EPSTI1: variants seen among roughly 807,000 people sequenced by gnomAD.
EPSTI1 encodes epithelial stromal interaction 1, also known as epithelial-stromal interaction protein 1.
A neutral mutation model predicts 49.9 loss-of-function variants in EPSTI1; 66 were observed. That is an observed-to-expected ratio of 1.32 (90% CI 1.08 to 1.62). The LOEUF (loss-of-function observed/expected upper bound fraction) is 1.62, where lower values mean the gene tolerates loss of function less well. Among genes scored for constraint, EPSTI1 ranks in the 40% most tolerant of loss-of-function variants. The pLI is 0.00. For missense variants in EPSTI1, 394 were observed against 365.5 expected, an observed-to-expected ratio of 1.08 and a Z score of -0.64; for synonymous variants, 137 against 130.7, an observed-to-expected ratio of 1.05 and a Z score of -0.33.
At chr13:42,926,847 A>G (rs1019075231) in intron 6 of EPSTI1, among the ~76,000 whole-genome samples, 4 of 152,134 alleles carry the variant, frequency 2.6e-5, no homozygotes, top group Non-Finnish European at 4.4e-5. Flanking sequence ...CCAGTTTTAC[A>G]TTAAGCCCTT....
chr13:42,908,085 AAAC>A (rs1463513269), intron 8 of EPSTI1, among the ~76,000 whole-genome samples: 1 of 152,254 alleles, frequency 6.6e-6, no homozygotes, highest in African/African-American at 2.4e-5. Flanking sequence ...CACATACAAA[AAAC>A]AACTCAATTT....
Position 42,992,139 on chromosome 13 carries a change from G to A in EPSTI1, c.27C>T (p.Asn9=), listed in dbSNP as rs759290126. 4 of 1,603,620 alleles carry A rather than the reference G, an allele frequency of 2.5e-6. No individual in the cohort carries two copies. Among genetic ancestry groups the A allele is most frequent in the Non-Finnish European group, 3.4e-6 (4 of 1,176,152 alleles). ...AGGCAGGGGAGGCGCCGAGCCCGGAGTTCACCACTCTATTGCGGGTGTTCA... is the reference window on the plus strand; with the variant it reads ...AGGCAGGGGAGGCGCCGAGCCCGGAATTCACCACTCTATTGCGGGTGTTCA... The part of the protein sequence containing the change: MNTRNRVV[N]SGLGASPASR... The change falls in exon 1 of 11, where the codon AAC becomes AAT. Residue 9 remains asparagine (N), a synonymous_variant. Transcript: ENST00000313624.
At chr13:42,966,672 A>C (rs1252105508) in intron 3 of EPSTI1, among the ~76,000 whole-genome samples, 1 of 71,046 alleles carries the variant, frequency 1.4e-5, no homozygotes, top group Non-Finnish European at 3.0e-5. Flanking sequence ...CCCGGCAGCC[A>C]CCCCGGCCGG....
rs1173919752 is a variant in EPSTI1 at position 42,922,477 on chromosome 13, T to C, written c.657+3859A>G. On this transcript the variant is annotated intron_variant, in intron 7 of 10. Transcript: ENST00000313624. The surrounding 1 kb of genome is among the most constrained non-coding windows in gnomAD (Gnocchi z 4.8). ...GCCATGCAGCCGTGTGCCAAGGGTT[T>C]GCGGGGACAGGGGACAGATGCCCCC... 6.6e-6 allele frequency among the ~76,000 whole-genome samples: 1 copy of C among 152,138 alleles called. No individual in the cohort carries two copies. The highest frequency in any genetic ancestry group is 1.5e-5 in the Non-Finnish European group (1 of 68,032).
intron 1 of EPSTI1, among the ~76,000 whole-genome samples, chr13:42,989,489 T>A (rs1490274565): frequency 6.7e-6 from 1 of 149,568 alleles, no homozygotes; most frequent in African/African-American, 2.4e-5. Context: ...ACAAGACAAA[T>A]CTTTTACCAT....
intron 6 of EPSTI1, among the ~76,000 whole-genome samples, chr13:42,932,412 C>T (rs925415492): frequency 2.0e-5 from 3 of 152,170 alleles, no homozygotes; most frequent in African/African-American, 7.2e-5. Context: ...GTTCCAGTCT[C>T]ACCTATCACT....
chr13:42,970,309 G>A lies in EPSTI1; in HGVS notation c.247+303C>T, dbSNP rs185216050. The A allele has an allele frequency of 2.8e-5, 7 of 248,950 alleles. No individual in the cohort carries two copies. In the East Asian group the frequency reaches 5.1e-4, roughly 18 times the overall value. The allele number at this position is 248,950 out of a possible 1,614,324, so 15.4% of individuals were successfully genotyped here. ...CATTAAGTACAGAGAGCACAAAAAC[G>A]AGTAAGATGTGGTCCCTACCCTCAA... On this transcript the variant is annotated intron_variant, in intron 2 of 10. Transcript: ENST00000313624.
intron 8 of EPSTI1, among the ~76,000 whole-genome samples, chr13:42,917,200 T>C (rs905199668): frequency 6.6e-5 from 10 of 152,192 alleles, no homozygotes; most frequent in Non-Finnish European, 1.5e-4. Context: ...CCATCTCTAA[T>C]TTCATATATC....
intron 8 of EPSTI1, among the ~76,000 whole-genome samples, 160 bp downstream of exon 8, chr13:42,917,381 A>G (rs924371853): frequency 1.3e-5 from 2 of 152,096 alleles, no homozygotes; most frequent in South Asian, 2.1e-4. Context: ...CCACCACCAT[A>G]CTCTTAAAAC....
At chr13:42,896,502 C>T (rs935262067) in intron 9 of EPSTI1, among the ~76,000 whole-genome samples, 5 of 152,122 alleles carry the variant, frequency 3.3e-5, no homozygotes, top group South Asian at 2.1e-4. Context: ...ACACCCAAAC[C>T]GCTACAAGGC....
chr13:42,948,336 G>C (rs2038981606), intron 6 of EPSTI1, among the ~76,000 whole-genome samples: 1 of 151,966 alleles, frequency 6.6e-6, no homozygotes, highest in Non-Finnish European at 1.5e-5. Flanking sequence ...CTTGTCCTTG[G>C]ACCCCAGCTT....
intron 2 of EPSTI1, 152 bp from the exon 3 acceptor site, chr13:42,969,329 C>T: frequency 1.4e-6 from 1 of 733,308 alleles, no homozygotes; most frequent in Non-Finnish European, 2.2e-6. Context: ...CAATATTCAG[C>T]CCTGACCCGT....
At chr13:42,987,951 G>A (rs867687198) in intron 1 of EPSTI1, among the ~76,000 whole-genome samples, 3 of 152,036 alleles carry the variant, frequency 2.0e-5, no homozygotes, top group Admixed American at 6.5e-5. Flanking sequence ...ATACTAATAC[G>A]AAGTAGGCCA....
chr13:42,902,328 T>C (rs1265473910), intron 8 of EPSTI1, among the ~76,000 whole-genome samples: 1 of 152,180 alleles, frequency 6.6e-6, no homozygotes, highest in Non-Finnish European at 1.5e-5. Flanking sequence ...TTTTCAACTC[T>C]AGGCTTCAAA....
At chr13:42,989,024 T>A (rs1427338511) in intron 1 of EPSTI1, among the ~76,000 whole-genome samples, 11 of 131,034 alleles carry the variant, frequency 8.4e-5, no homozygotes, top group Non-Finnish European at 1.6e-4. Flanking sequence ...CGTGCCCAGA[T>A]AATTTAAATT....
intron 10 of EPSTI1, among the ~76,000 whole-genome samples, chr13:42,894,472 T>C (rs928731395): frequency 1.3e-5 from 2 of 152,226 alleles, no homozygotes; most frequent in African/African-American, 4.8e-5. Flanking sequence ...CAAAATACAT[T>C]AAACACATAT....
chr13:42,959,229 T>C (rs2039369727), intron 5 of EPSTI1, among the ~76,000 whole-genome samples: 1 of 152,216 alleles, frequency 6.6e-6, no homozygotes, highest in Non-Finnish European at 1.5e-5. Context: ...GTACCACATG[T>C]TTATTTTAGA....
In EPSTI1 at chr13:42,895,096, A is replaced by G; in HGVS notation, c.828T>C (p.Ala276=). 6.2e-7 allele frequency: 1 copy of G among 1,612,630 alleles called. No individual in the cohort carries two copies. Among genetic ancestry groups the G allele is most frequent in the Non-Finnish European group, 8.5e-7 (1 of 1,179,260 alleles). Residue 276 remains alanine (A), a synonymous_variant, in exon 10 of 11, where the codon GCT becomes GCC. Coordinates refer to ENST00000313624, the MANE Select transcript of EPSTI1 (RefSeq NM_033255.5). The part of the protein sequence containing the change: ...HQTEHRRVNN[A]FLDRLQGKSQ... ...TTTTGCCTTGGAGTCGGTCCAGAAA[A>G]GCATTATTTACCCTTTAAAACAATG...
chr13:42,939,365 A>G (rs959954781), intron 6 of EPSTI1, among the ~76,000 whole-genome samples: 2 of 152,170 alleles, frequency 1.3e-5, no homozygotes, highest in African/African-American at 4.8e-5. Flanking sequence ...CTTTTGTCCT[A>G]TCTTGGTTTT....
Sources: allele counts gnomAD v4.1 joint callset (sites outside exome capture counted in the v4.1 genomes callset), GRCh38; gene constraint gnomAD v4.1.1; non-coding constraint Gnocchi (gnomAD v3.1); transcripts MANE v1.5; gene names NCBI Gene and HGNC (gene_info 2026-07-23, HGNC 2026-07-21).